Variants in C1QTNF1 observed in about 807,000 individuals in gnomAD.
C1QTNF1 encodes C1q and TNF related 1, also known as complement C1q tumor necrosis factor-related protein 1.
In C1QTNF1, 22 loss-of-function variants were observed where a neutral mutation model predicts 27.8. The observed-to-expected ratio is 0.79, with a 90% CI of 0.56 to 1.13. The LOEUF (loss-of-function observed/expected upper bound fraction) is 1.13. Among genes scored for constraint, C1QTNF1 ranks in the 50% most tolerant of loss-of-function variants. C1QTNF1 has a pLI of 0.00. For synonymous variants in C1QTNF1, 166 were observed against 154.3 expected, an observed-to-expected ratio of 1.08 and a Z score of -0.56; for missense variants, 373 against 380.2, an observed-to-expected ratio of 0.98 and a Z score of 0.16.
intron 1 of C1QTNF1, chr17:79,034,336 C>G (rs575486552): frequency 6.6e-6 from 1 of 152,344 alleles, no homozygotes; most frequent in Non-Finnish European, 1.5e-5. Context: ...GCCTGCCGCC[C>G]GAGGCCTTCC....
chr17:79,037,318 C>T (rs1350786011), intron 1 of C1QTNF1, among the ~76,000 whole-genome samples: 2 of 152,062 alleles, frequency 1.3e-5, no homozygotes, highest in Non-Finnish European at 2.9e-5. Flanking sequence ...TTAGTAGAGC[C>T]AGGGTTTCAC....
chr17:79,040,755 T>G (rs1421492542), intron 1 of C1QTNF1, among the ~76,000 whole-genome samples: 1 of 127,592 alleles, frequency 7.8e-6, no homozygotes, highest in Non-Finnish European at 1.6e-5. Context: ...AAAAAAAAAA[T>G]TAGCTGGGTG....
chr17:79,029,938 T>C (rs1001491305), intron 1 of C1QTNF1, among the ~76,000 whole-genome samples: 1 of 152,184 alleles, frequency 6.6e-6, no homozygotes, highest in East Asian at 1.9e-4. Flanking sequence ...GGGTAGGTAG[T>C]AGACACTCAA....
intron 1 of C1QTNF1, among the ~76,000 whole-genome samples, chr17:79,040,240 G>T (rs60144325): frequency 0.013 from 1,907 of 152,176 alleles, 43 homozygotes; most frequent in African/African-American, 0.043. Flanking sequence ...CAGGTGAATT[G>T]CTTGAGCTCA....
At chr17:79,047,234 T>TTTTC (rs1349988492) in intron 3 of C1QTNF1, 19 of 351,920 alleles carry the variant, frequency 5.4e-5, no homozygotes, top group African/African-American at 3.2e-4. Context: ...CTTTTTTTTC[T>TTTTC]TTTCTTTTTT....
At position 79,047,868 on chromosome 17, in the gene C1QTNF1, T is replaced by G. The variant is rs199843903; in HGVS notation, c.626T>G (p.Leu209Arg). ...VHTWNQKETY[L>R]HIMKNEEEVV... ...ACCTGGAACCAGAAGGAGACCTACC[T>G]GCACATCATGAAGAACGAGGAGGAG... Residue 209 changes from leucine (L) to arginine (R), a missense_variant, in exon 4 of 4, where the codon CTG becomes CGG. Leu to Arg is a moderately radical substitution (Grantham distance 102, BLOSUM62 -2). Coordinates refer to ENST00000579760, the MANE Select transcript of C1QTNF1 (RefSeq NM_030968.5). 1 of 1,614,144 alleles carries G rather than the reference T, an allele frequency of 6.2e-7. No individual in the cohort carries two copies. The highest frequency in any genetic ancestry group is 8.5e-7 in the Non-Finnish European group (1 of 1,180,028).
At chr17:79,035,280 G>A (rs368765120) in intron 1 of C1QTNF1, among the ~76,000 whole-genome samples, 30 of 152,116 alleles carry the variant, frequency 2.0e-4, no homozygotes, top group African/African-American at 6.5e-4. Context: ...CGTCAGAGCC[G>A]AGGGGGAGTG....
chr17:79,043,428 G>A (rs2072475123), intron 1 of C1QTNF1: 1 of 450,426 alleles, frequency 2.2e-6, no homozygotes, highest in East Asian at 7.0e-5. Context: ...TGTGTTGACT[G>A]TGTGCATGTG....
intron 1 of C1QTNF1, chr17:79,043,642 GTGTA>G (rs778362823): frequency 6.6e-5 from 33 of 503,796 alleles, no homozygotes; most frequent in South Asian, 2.2e-4. Flanking sequence ...TTGCATGTGA[GTGTA>G]TGTGACTGTG....
intron 1 of C1QTNF1, among the ~76,000 whole-genome samples, chr17:79,026,113 G>A (rs1274925619): frequency 6.6e-6 from 1 of 152,034 alleles, no homozygotes; most frequent in East Asian, 1.9e-4. Flanking sequence ...CAGGGATGGA[G>A]GACTCAAGAC....
chr17:79,030,118 G>C (rs549671971), intron 1 of C1QTNF1, among the ~76,000 whole-genome samples: 1 of 152,166 alleles, frequency 6.6e-6, no homozygotes, highest in South Asian at 2.1e-4. Flanking sequence ...TAAACAAAAT[G>C]CTCCCTTAGT....
Position 79,047,210 on chromosome 17 carries a change from G to GT in C1QTNF1, c.296-327dup. On this transcript the variant is annotated intron_variant, in intron 3 of 3. Transcript: ENST00000579760. ...GAGCCCATTGCTTTTGGACGAACCC[G>GT]TATGTTCCATTTTCTTTTTTTTCTT... 9.7e-6 allele frequency: 3 copies of GT among 310,754 alleles called. No homozygotes were observed. The Middle Eastern group carries it at 2.7e-3, about 275-fold the overall frequency. 19.2% of individuals were successfully genotyped at this position (310,754 alleles called of 1,614,324 possible). A position where few individuals can be genotyped will look rare whatever the true frequency, so the allele number is the denominator to read the frequency against.
At chr17:79,030,170 A>T (rs1195749090) in intron 1 of C1QTNF1, among the ~76,000 whole-genome samples, 2 of 152,172 alleles carry the variant, frequency 1.3e-5, no homozygotes, top group South Asian at 4.1e-4. Flanking sequence ...AGTGGAAAAT[A>T]ATGTGTACTT....
chr17:79,026,296 A>T (rs927823733), intron 1 of C1QTNF1, among the ~76,000 whole-genome samples: 1 of 152,106 alleles, frequency 6.6e-6, no homozygotes. Flanking sequence ...GCTGGATTAG[A>T]GGTGTGTACC....
chr17:79,047,238 CT>C (rs372840829), intron 3 of C1QTNF1: 32,490 of 272,542 alleles, frequency 0.12, no homozygotes, highest in East Asian at 0.18. Flanking sequence ...TTTTTCTTTT[CT>C]TTTTTTTTTT....
intron 1 of C1QTNF1, chr17:79,043,555 A>T (rs1331120853): frequency 2.1e-5 from 9 of 434,386 alleles, no homozygotes; most frequent in Non-Finnish European, 4.2e-5. Flanking sequence ...GAGACTGTGC[A>T]TGTGTATTGT....
intron 1 of C1QTNF1, among the ~76,000 whole-genome samples, chr17:79,027,081 C>T (rs528310723): frequency 0.01 from 1,240 of 123,716 alleles, 8 homozygotes; most frequent in Non-Finnish European, 0.017. Flanking sequence ...TGTTCCTGGG[C>T]GGGGGGGGGC....
chr17:79,035,431 TCGTA>T (rs2072241971), intron 1 of C1QTNF1, among the ~76,000 whole-genome samples: 1 of 121,662 alleles, frequency 8.2e-6, no homozygotes, highest in Non-Finnish European at 1.6e-5. Flanking sequence ...CTGGGCTGAA[TCGTA>T]TTTTTTTTTT....
At chr17:79,024,116 C>A (rs1338998615), upstream of C1QTNF1, 2 of 152,014 alleles carry the variant, frequency 1.3e-5, no homozygotes. Flanking sequence ...TAATCCTCCG[C>A]GGCTGCTGTT....
Sources: gnomAD v4.1 joint callset for allele counts (sites outside exome capture counted in the v4.1 genomes callset) on GRCh38, gnomAD v4.1.1 for gene constraint, MANE v1.5 for transcripts, NCBI Gene and HGNC (gene_info 2026-07-23, HGNC 2026-07-21) for gene names.